TUSC3: variants seen among roughly 807,000 people sequenced by gnomAD.
The protein encoded by TUSC3 is dolichyl-diphosphooligosaccharide--protein glycosyltransferase subunit TUSC3.
In TUSC3, 45 loss-of-function variants were observed where a neutral mutation model predicts 44.8. That is an observed-to-expected ratio of 1.00 (90% CI 0.79 to 1.29). TUSC3 has a LOEUF of 1.29. TUSC3 is among the 50% of genes most tolerant of loss of function. TUSC3 has a pLI of 0.00. For synonymous variants in TUSC3, 212 were observed against 152.9 expected (o/e 1.39, Z -2.85); for missense variants, 519 against 437.9 (o/e 1.19, Z -1.65).
chr8:15,774,723 G>T, the TUSC3 span, among the ~76,000 whole-genome samples: 1 of 152,018 alleles, frequency 6.6e-6, no homozygotes, highest in South Asian at 2.1e-4. Flanking sequence ...ATCACATAAG[G>T]TGCTCAATGT....
intron 1 of TUSC3, among the ~76,000 whole-genome samples, chr8:15,444,043 T>A (rs1463962113): frequency 6.6e-6 from 1 of 152,176 alleles, no homozygotes; most frequent in Admixed American, 6.5e-5. Flanking sequence ...AAAACCCTGG[T>A]CTCCCACAGA....
chr8:15,607,029 A>G (rs890080490), intron 1 of TUSC3, among the ~76,000 whole-genome samples: 3 of 151,128 alleles, frequency 2.0e-5, no homozygotes, highest in South Asian at 2.1e-4. Context: ...CATGGATGGT[A>G]TCTTATGTAC....
At chr8:15,686,948 G>C (rs920727861) in intron 6 of TUSC3, among the ~76,000 whole-genome samples, 2 of 151,992 alleles carry the variant, frequency 1.3e-5, no homozygotes, top group Non-Finnish European at 1.5e-5. Context: ...GGCGCCTGTA[G>C]TCCGGTCCCA....
the TUSC3 span, among the ~76,000 whole-genome samples, chr8:15,795,672 G>C: frequency 2.0e-5 from 3 of 152,322 alleles, no homozygotes; most frequent in East Asian, 3.9e-4. Context: ...AGAGTCCCTG[G>C]AAAGAAGGCA....
chr8:15,491,037 C>T (rs984114894), intron 2 of TUSC3, among the ~76,000 whole-genome samples: 2 of 152,172 alleles, frequency 1.3e-5, no homozygotes, highest in Non-Finnish European at 1.5e-5. Flanking sequence ...TTCTGATCAG[C>T]GTTCACTGAA....
At chr8:15,642,074 G>T (rs374150107) in intron 2 of TUSC3, among the ~76,000 whole-genome samples, 1 of 152,128 alleles carries the variant, frequency 6.6e-6, no homozygotes, top group African/African-American at 2.4e-5. Context: ...AATAGTCCAA[G>T]AACATTTCTT....
chr8:15,454,234 C>T (rs797016685), intron 1 of TUSC3, among the ~76,000 whole-genome samples: 2 of 152,158 alleles, frequency 1.3e-5, no homozygotes, highest in African/African-American at 2.4e-5. Flanking sequence ...AAGTCACCCC[C>T]TTGGCCCTCT....
chr8:15,756,370 GT>G (rs1811928843), intron 9 of TUSC3, among the ~76,000 whole-genome samples: 1 of 152,008 alleles, frequency 6.6e-6, no homozygotes, highest in African/African-American at 2.4e-5. Context: ...TATATAATCA[GT>G]TCGTAGTCCC....
intron 1 of TUSC3, among the ~76,000 whole-genome samples, chr8:15,418,540 G>C (rs1431149596): frequency 6.6e-6 from 1 of 152,152 alleles, no homozygotes; most frequent in African/African-American, 2.4e-5. Flanking sequence ...GAAAAAATTA[G>C]AAGTTGAAAG....
At chr8:15,561,009 A>G (rs1302820947) in intron 1 of TUSC3, among the ~76,000 whole-genome samples, 5 of 131,410 alleles carry the variant, frequency 3.8e-5, no homozygotes, top group Non-Finnish European at 3.2e-5. Flanking sequence ...CAGCTCGTCA[A>G]AGTCATTCTC....
chr8:15,572,108 A>C (rs1802900887), intron 1 of TUSC3, among the ~76,000 whole-genome samples: 1 of 152,128 alleles, frequency 6.6e-6, no homozygotes, highest in African/African-American at 2.4e-5. Flanking sequence ...CTTTCAAACC[A>C]GGCATCGACT....
intron 2 of TUSC3, among the ~76,000 whole-genome samples, chr8:15,637,234 T>G (rs1178265974): frequency 6.8e-6 from 1 of 146,924 alleles, no homozygotes; most frequent in Non-Finnish European, 1.5e-5. Flanking sequence ...CATTCCCTCT[T>G]AAACTTTTAT....
At chr8:15,472,561 A>C (rs1800508540) in intron 1 of TUSC3, among the ~76,000 whole-genome samples, 1 of 152,122 alleles carries the variant, frequency 6.6e-6, no homozygotes, top group African/African-American at 2.4e-5. Flanking sequence ...GTATTCACCA[A>C]ATCCAAGCTT....
At chr8:15,829,179 C>T in the TUSC3 span, among the ~76,000 whole-genome samples, 1 of 152,000 alleles carries the variant, frequency 6.6e-6, no homozygotes, top group Non-Finnish European at 1.5e-5. Flanking sequence ...CTTATTTAAC[C>T]AGTTCCCCAT....
chr8:15,453,717 A>T (rs987372918), intron 1 of TUSC3, among the ~76,000 whole-genome samples: 3 of 152,206 alleles, frequency 2.0e-5, no homozygotes, highest in African/African-American at 7.2e-5. Flanking sequence ...ACAGAGAATT[A>T]TTCTTGTTAC....
chr8:15,847,646 A>AT, the TUSC3 span, among the ~76,000 whole-genome samples: 174 of 152,298 alleles, frequency 1.1e-3, 1 homozygote, highest in African/African-American at 3.8e-3. Flanking sequence ...TAACTTGTCC[A>AT]TTTTTAAGCT....
At position 15,764,452 on chromosome 8, in the gene TUSC3, C is replaced by A; in HGVS notation, c.*296C>A. On this transcript the variant is annotated 3_prime_UTR_variant, in exon 11 of 11. Coordinates refer to ENST00000503731, the MANE Select transcript of TUSC3 (RefSeq NM_006765.4). ...CAAGCCTGTTATATTCAGTGTGTGCCACAGGATTGAAATAAATGACAATGT... is the reference window on the plus strand; with the variant it reads ...CAAGCCTGTTATATTCAGTGTGTGCAACAGGATTGAAATAAATGACAATGT... 2 of 455,872 alleles carry A rather than the reference C, an allele frequency of 4.4e-6. No individual in the cohort carries two copies. The highest frequency in any genetic ancestry group is 3.7e-5 in the Admixed American group (1 of 27,020). 28.2% of individuals were successfully genotyped at this position (455,872 alleles called of 1,614,324 possible).
the TUSC3 span, among the ~76,000 whole-genome samples, chr8:15,839,168 T>C: frequency 3.9e-5 from 6 of 152,300 alleles, no homozygotes; most frequent in East Asian, 3.9e-4. Flanking sequence ...TTGTCTGTTA[T>C]TGGTGTATAG....
chr8:15,668,335 A>G (rs764915960), intron 5 of TUSC3, among the ~76,000 whole-genome samples: 4 of 151,766 alleles, frequency 2.6e-5, no homozygotes, highest in Admixed American at 6.6e-5. Flanking sequence ...ACATATTCAC[A>G]TATTGATCAG....
Sources: gnomAD v4.1 joint callset for allele counts (sites outside exome capture counted in the v4.1 genomes callset) on GRCh38, gnomAD v4.1.1 for gene constraint, MANE v1.5 for transcripts, NCBI Gene and HGNC (gene_info 2026-07-23, HGNC 2026-07-21) for gene names.